Variants in ATP9B observed in about 807,000 individuals in gnomAD.
ATP9B encodes ATPase phospholipid transporting 9B, also known as probable phospholipid-transporting ATPase IIB.
ATP9B carries 110 observed loss-of-function variants against 146.1 expected under a neutral mutation model. The ratio of observed to expected loss-of-function variants is 0.75; its 90% CI spans 0.65 to 0.88. The LOEUF (loss-of-function observed/expected upper bound fraction) is 0.88, where lower values mean the gene tolerates loss of function less well. ATP9B is among the 40% of genes least tolerant of loss of function. The pLI is 0.00. For synonymous variants in ATP9B, 604 were observed against 569.7 expected (o/e 1.06, Z -0.86); for missense variants, 1,499 against 1,496.4 (o/e 1.00, Z -0.03).
chr18:79,298,479 G>C (rs1211709830), intron 13 of ATP9B, among the ~76,000 whole-genome samples: 1 of 146,852 alleles, frequency 6.8e-6, no homozygotes, highest in African/African-American at 2.5e-5. Context: ...AATAAACACA[G>C]TGATTTTGCT....
At chr18:79,182,928 A>G (rs984663454) in intron 8 of ATP9B, among the ~76,000 whole-genome samples, 4 of 152,140 alleles carry the variant, frequency 2.6e-5, no homozygotes, top group African/African-American at 7.2e-5. Flanking sequence ...GTGGATGTCA[A>G]TTTTGAGTCC....
In ATP9B at chr18:79,214,020, A is replaced by G. The variant is rs1211127796; in HGVS notation, c.1089A>G (p.Thr363=). 3 of 1,599,214 alleles carry G rather than the reference A, an allele frequency of 1.9e-6. No homozygotes were observed. Residue 363 remains threonine, a synonymous_variant, in exon 11 of 30, where the codon ACA becomes ACG. Transcript: ENST00000426216. ...AAGAGACTCGAAGTGTAATGAACAC[A>G]TCCAATCCAAAAAATAAGGTAGGCT... ...TGKETRSVMN[T]SNPKNKVGLL...
chr18:79,359,668 G>GA (rs1360514132), intron 26 of ATP9B: 9 of 551,490 alleles, frequency 1.6e-5, no homozygotes, highest in South Asian at 4.2e-5. Context: ...ACATCTCAGG[G>GA]AAAAAAATTT....
chr18:79,310,138 T>C (rs568960236), intron 15 of ATP9B, among the ~76,000 whole-genome samples: 1 of 152,232 alleles, frequency 6.6e-6, no homozygotes, highest in South Asian at 2.1e-4. Flanking sequence ...AGAGCCTCTT[T>C]CCCTGGTGAT....
intron 7 of ATP9B, among the ~76,000 whole-genome samples, chr18:79,157,207 T>TACACACACACACACACACACAC (rs147810207): frequency 7.4e-6 from 1 of 135,326 alleles, no homozygotes; most frequent in African/African-American, 2.8e-5. Context: ...CTAAAAAAAA[T>TACACACACACACACACACACAC]ACACACACAC....
intron 1 of ATP9B, among the ~76,000 whole-genome samples, chr18:79,076,687 TTGTG>T (rs2072661293): frequency 6.6e-6 from 1 of 152,176 alleles, no homozygotes; most frequent in Non-Finnish European, 1.5e-5. Flanking sequence ...TTCTATAAGT[TTGTG>T]TCTTTTGTCA....
intron 14 of ATP9B, among the ~76,000 whole-genome samples, chr18:79,306,354 C>CG (rs1471449185): frequency 1.3e-5 from 2 of 152,066 alleles, no homozygotes; most frequent in African/African-American, 2.4e-5. Flanking sequence ...TGGCTGAGCC[C>CG]GAGGAGAGCC....
At chr18:79,267,827 A>T in intron 12 of ATP9B, among the ~76,000 whole-genome samples, 1 of 152,128 alleles carries the variant, frequency 6.6e-6, no homozygotes, top group Non-Finnish European at 1.5e-5. Flanking sequence ...TGCATTCCCA[A>T]TTGTTGGTCA....
chr18:79,336,531 AG>A, intron 17 of ATP9B, 96 bp from the exon 18 acceptor site: 3 of 1,098,544 alleles, frequency 2.7e-6, no homozygotes, highest in Non-Finnish European at 4.1e-6. Context: ...ACATGAGGGC[AG>A]GGCACCAGCA....
At chr18:79,154,969 C>G (rs1490553281) in intron 7 of ATP9B, among the ~76,000 whole-genome samples, 1 of 152,138 alleles carries the variant, frequency 6.6e-6, no homozygotes, top group African/African-American at 2.4e-5. Flanking sequence ...TAAAAATAAT[C>G]CTTTCAGGAC....
intron 1 of ATP9B, among the ~76,000 whole-genome samples, chr18:79,090,952 T>A (rs533507423): frequency 2.0e-4 from 31 of 152,320 alleles, no homozygotes; most frequent in African/African-American, 7.5e-4. Flanking sequence ...TTAATTTGAT[T>A]TTTGTAGACA....
chr18:79,081,938 A>C (rs1364499698), intron 1 of ATP9B, among the ~76,000 whole-genome samples: 2 of 152,050 alleles, frequency 1.3e-5, no homozygotes, highest in African/African-American at 2.4e-5. Context: ...TATTTCCTAA[A>C]TTTGAATGTT....
intron 4 of ATP9B, among the ~76,000 whole-genome samples, chr18:79,122,831 A>G (rs765971822): frequency 3.9e-5 from 6 of 152,238 alleles, no homozygotes; most frequent in Non-Finnish European, 7.4e-5. Flanking sequence ...AACCACTTTT[A>G]TTTCATTGCT....
intron 15 of ATP9B, among the ~76,000 whole-genome samples, chr18:79,327,964 G>C (rs75536054): frequency 0.01 from 589 of 57,238 alleles, 9 homozygotes; most frequent in Middle Eastern, 0.032. Flanking sequence ...CGTGCTCTCC[G>C]TGGTTAGCGT....
At chr18:79,351,318 C>A (rs1823329464) in intron 25 of ATP9B, among the ~76,000 whole-genome samples, 1 of 152,224 alleles carries the variant, frequency 6.6e-6, no homozygotes, top group Non-Finnish European at 1.5e-5. Flanking sequence ...TCTGCAGCGT[C>A]CCCAGCTCCT....
chr18:79,107,452 A>G (rs8095018), intron 2 of ATP9B, among the ~76,000 whole-genome samples: 37,912 of 151,896 alleles, frequency 0.25, 5,062 homozygotes, highest in East Asian at 0.5. Context: ...TACTGTTGGG[A>G]GGAGGGTGAC....
chr18:79,177,478 A>G (rs1246596687), intron 8 of ATP9B, among the ~76,000 whole-genome samples: 1 of 151,904 alleles, frequency 6.6e-6, no homozygotes. Flanking sequence ...CCTGGTCTCA[A>G]GCAGTCCTCT....
Position 79,206,966 on chromosome 18 carries a change from T to C in ATP9B, c.984T>C (p.Ser328=). 1 of 1,614,130 alleles carries C rather than the reference T, an allele frequency of 6.2e-7. No homozygotes were observed. Among genetic ancestry groups the C allele is most frequent in the Non-Finnish European group, 8.5e-7 (1 of 1,179,974 alleles). Residue 328 remains serine (S), a synonymous_variant, in exon 10 of 30, where the codon AGT becomes AGC. Transcript: ENST00000426216. ...REDSDPPIHE[S]LSIENTLWAS... ...ACAGTGACCCGCCCATTCATGAAAG[T>C]CTCAGCATAGAAAATACATTGTGGG...
chr18:79,160,043 C>T (rs1010922869), intron 7 of ATP9B, among the ~76,000 whole-genome samples: 1 of 152,202 alleles, frequency 6.6e-6, no homozygotes, highest in Non-Finnish European at 1.5e-5. Context: ...GAATTTACAT[C>T]TGCAATTTTG....
Sources: gnomAD v4.1 joint callset for allele counts (sites outside exome capture counted in the v4.1 genomes callset) on GRCh38, gnomAD v4.1.1 for gene constraint, MANE v1.5 for transcripts, NCBI Gene and HGNC (gene_info 2026-07-23, HGNC 2026-07-21) for gene names.